Variants in ADGRB3 observed in about 807,000 individuals in gnomAD.
ADGRB3 encodes adhesion G protein-coupled receptor B3.
ADGRB3 carries 37 observed loss-of-function variants against 193.4 expected under a neutral mutation model. That is an observed-to-expected ratio of 0.19 (90% confidence interval 0.15 to 0.25). ADGRB3 has a LOEUF of 0.25. Among genes scored for constraint, ADGRB3 ranks in the 10% least tolerant of loss-of-function variants. The probability of loss-of-function intolerance (pLI) is 1.00; values close to 1 mark genes in which losing one functional copy is unlikely to be tolerated. For missense variants in ADGRB3, 1,637 were observed against 1,852.9 expected (o/e 0.88, Z 2.14); for synonymous variants, 690 against 644.2 (o/e 1.07, Z -1.08).
intron 17 of ADGRB3, among the ~76,000 whole-genome samples, chr6:69,080,499 G>A (rs940839328): frequency 2.0e-5 from 3 of 151,794 alleles, no homozygotes; most frequent in African/African-American, 7.3e-5. Context: ...ACAAGAAAGA[G>A]GTCTTGTTGG....
chr6:69,211,347 C>A (rs1006557226), intron 17 of ADGRB3, among the ~76,000 whole-genome samples: 1 of 152,108 alleles, frequency 6.6e-6, no homozygotes, highest in Non-Finnish European at 1.5e-5. Flanking sequence ...GAATATCATA[C>A]AAGCTGTGGG....
At chr6:68,975,941 T>A (rs1402859634) in intron 10 of ADGRB3, among the ~76,000 whole-genome samples, 1 of 152,190 alleles carries the variant, frequency 6.6e-6, no homozygotes, top group Admixed American at 6.5e-5. Flanking sequence ...ATAGTTACAT[T>A]TTGCTTGGTA....
At chr6:69,307,676 CT>C (rs1021699975) in intron 20 of ADGRB3, among the ~76,000 whole-genome samples, 18 of 150,542 alleles carry the variant, frequency 1.2e-4, no homozygotes, top group African/African-American at 3.2e-4. Context: ...AAAGGTAGGA[CT>C]TTTTTTTTCT....
intron 3 of ADGRB3, among the ~76,000 whole-genome samples, chr6:68,726,625 C>G: frequency 6.6e-6 from 1 of 151,394 alleles, no homozygotes; most frequent in Non-Finnish European, 1.5e-5. Flanking sequence ...GGTTATTTCC[C>G]TATATGGAAA....
chr6:69,247,821 G>A (rs1766531516), intron 20 of ADGRB3, among the ~76,000 whole-genome samples: 1 of 152,106 alleles, frequency 6.6e-6, no homozygotes, highest in Non-Finnish European at 1.5e-5. Context: ...TTGAATGAGG[G>A]ATAATATAAT....
intron 20 of ADGRB3, among the ~76,000 whole-genome samples, chr6:69,290,065 A>G (rs191693300): frequency 3.7e-4 from 57 of 152,180 alleles, no homozygotes; most frequent in African/African-American, 1.3e-3. Flanking sequence ...ATCTGGCTGC[A>G]AGTAAGCCAT....
chr6:69,264,430 C>A (rs886519235), intron 20 of ADGRB3, among the ~76,000 whole-genome samples: 1 of 151,866 alleles, frequency 6.6e-6, no homozygotes, highest in Non-Finnish European at 1.5e-5. Context: ...GTCTTCTTAG[C>A]TATATCTTTT....
intron 3 of ADGRB3, among the ~76,000 whole-genome samples, chr6:68,666,921 A>G (rs1177005873): frequency 6.6e-6 from 1 of 151,720 alleles, no homozygotes; most frequent in East Asian, 1.9e-4. Flanking sequence ...TATCATATCC[A>G]AATTAATGTG....
At chr6:69,063,060 G>A (rs1771796940) in intron 16 of ADGRB3, 24 bp downstream of exon 16, 1 of 1,532,370 alleles carries the variant, frequency 6.5e-7, no homozygotes, top group Non-Finnish European at 9.0e-7. Context: ...ACTGGGCACT[G>A]ACTTGCTTAT....
intron 3 of ADGRB3, among the ~76,000 whole-genome samples, chr6:68,830,412 A>G (rs1330001983): frequency 3.3e-5 from 5 of 152,186 alleles, no homozygotes; most frequent in Non-Finnish European, 7.3e-5. Flanking sequence ...AAAGCAATAT[A>G]TAGAACTTGG....
intron 17 of ADGRB3, among the ~76,000 whole-genome samples, chr6:69,170,625 T>A (rs962446206): frequency 1.3e-5 from 2 of 152,200 alleles, no homozygotes; most frequent in African/African-American, 4.8e-5. Flanking sequence ...TGTTAAAACA[T>A]GTAAACAATT....
chr6:69,011,203 G>A (rs904951208), intron 11 of ADGRB3, among the ~76,000 whole-genome samples: 9 of 151,114 alleles, frequency 6.0e-5, no homozygotes, highest in African/African-American at 7.3e-5. Flanking sequence ...ACAAGTTAGA[G>A]CAAGGCCAGC....
At chr6:69,224,021 A>T (rs1259617065) in intron 17 of ADGRB3, among the ~76,000 whole-genome samples, 1 of 151,984 alleles carries the variant, frequency 6.6e-6, no homozygotes, top group Non-Finnish European at 1.5e-5. Flanking sequence ...GTTACACTGG[A>T]AAAATGGAGA....
chr6:69,299,155 C>T (rs533459115), intron 20 of ADGRB3, among the ~76,000 whole-genome samples: 18 of 151,944 alleles, frequency 1.2e-4, no homozygotes, highest in South Asian at 2.1e-4. Flanking sequence ...GATTTTCATA[C>T]GCCTGTTGGC....
intron 20 of ADGRB3, among the ~76,000 whole-genome samples, chr6:69,322,134 A>G (rs768621816): frequency 4.9e-4 from 74 of 152,004 alleles, no homozygotes; most frequent in Non-Finnish European, 8.3e-4. Flanking sequence ...TTAGTTTGCT[A>G]AGAATAATGG....
At chr6:69,284,153 A>T (rs10485253) in intron 20 of ADGRB3, among the ~76,000 whole-genome samples, 5,280 of 152,212 alleles carry the variant, frequency 0.035, 310 homozygotes, top group African/African-American at 0.12. Context: ...AGTAGAATGG[A>T]TCATCTATCA....
chr6:68,674,114 G>A (rs1769027869), intron 3 of ADGRB3, among the ~76,000 whole-genome samples: 1 of 152,100 alleles, frequency 6.6e-6, no homozygotes, highest in South Asian at 2.1e-4. Flanking sequence ...AGGATATGAT[G>A]ACCTTAAGAC....
intron 3 of ADGRB3, among the ~76,000 whole-genome samples, chr6:68,786,039 G>C: frequency 6.6e-6 from 1 of 151,758 alleles, no homozygotes; most frequent in East Asian, 1.9e-4. Flanking sequence ...GTTCATTGTA[G>C]ATTCTGGATA....
At chr6:68,808,427 T>C (rs1438994412) in intron 3 of ADGRB3, among the ~76,000 whole-genome samples, 1 of 136,242 alleles carries the variant, frequency 7.3e-6, no homozygotes, top group Non-Finnish European at 1.6e-5. Context: ...TTTCAAGACC[T>C]TTTTTTTTTT....
Sources: gnomAD v4.1 joint callset for allele counts (sites outside exome capture counted in the v4.1 genomes callset) on GRCh38, gnomAD v4.1.1 for gene constraint, MANE v1.5 for transcripts, NCBI Gene and HGNC (gene_info 2026-07-23, HGNC 2026-07-21) for gene names.